The following CDC73 variants were observed in gnomAD, a reference collection of about 807,000 sequenced individuals.
The protein encoded by CDC73 is cell division cycle 73.
CDC73 carries 21 observed loss-of-function variants against 83.7 expected under a neutral mutation model. The ratio of observed to expected loss-of-function variants is 0.25; its 90% confidence interval spans 0.18 to 0.36. The LOEUF (loss-of-function observed/expected upper bound fraction) is 0.36. Ranked by LOEUF, CDC73 falls within the 10% of genes least tolerant of loss-of-function variation. CDC73 has a pLI of 1.00. For synonymous variants in CDC73, 224 were observed against 212.9 expected (o/e 1.05, Z -0.45); for missense variants, 342 against 653.3 (o/e 0.52, Z 5.19).
intron 13 of CDC73, among the ~76,000 whole-genome samples, chr1:193,222,322 A>G (rs1337282333): frequency 6.6e-6 from 1 of 152,174 alleles, no homozygotes; most frequent in Non-Finnish European, 1.5e-5. Flanking sequence ...TATTCAGCAC[A>G]TGTATGTGAG....
chr1:193,128,939 G>A lies in CDC73; in HGVS notation c.238-1235G>A, dbSNP rs535228187. On this transcript the variant is annotated intron_variant, in intron 2 of 16. Transcript: ENST00000367435. ...TTGTTTGTGTTTCAGACTGGGTCTCGCCTCAGTCTCCTGAGTAGCTGGGAT... is the reference window on the plus strand; with the variant it reads ...TTGTTTGTGTTTCAGACTGGGTCTCACCTCAGTCTCCTGAGTAGCTGGGAT... Among the ~76,000 whole-genome samples the A allele has an allele frequency of 5.3e-5, 8 of 150,902 alleles. No homozygotes were observed. The East Asian group carries it at 1.2e-3, about 22-fold the overall frequency.
At chr1:193,199,925 A>G (rs568700362) in intron 10 of CDC73, among the ~76,000 whole-genome samples, 3 of 152,036 alleles carry the variant, frequency 2.0e-5, no homozygotes, top group Non-Finnish European at 2.9e-5. Flanking sequence ...GAGTCTGCAT[A>G]TATGTTCTAT....
In CDC73 at chr1:193,157,301, A is replaced by C. The variant is rs950961660; in HGVS notation, c.972+4857A>C. Among the ~76,000 whole-genome samples the C allele has an allele frequency of 6.6e-5, 10 of 152,322 alleles. No individual in the cohort carries two copies. The South Asian group carries it at 1.4e-3, about 22-fold the overall frequency. On this transcript the variant is annotated intron_variant, in intron 10 of 16. Coordinates refer to ENST00000367435, the MANE Select transcript of CDC73 (RefSeq NM_024529.5). ...AAATGTTAGTGGATTATTACATTAC[A>C]TTGCACTAACGTTTATGAACAGTCA...
chr1:193,174,674 T>C (rs1676573413), intron 10 of CDC73, among the ~76,000 whole-genome samples: 1 of 152,168 alleles, frequency 6.6e-6, no homozygotes, highest in Non-Finnish European at 1.5e-5. Context: ...TCAGATTCTT[T>C]ATACAGTGTT....
intron 9 of CDC73, among the ~76,000 whole-genome samples, chr1:193,151,857 G>A (rs1676118646): frequency 6.6e-6 from 1 of 152,134 alleles, no homozygotes; most frequent in Non-Finnish European, 1.5e-5. Context: ...CTGTGGAGGG[G>A]GGATGGGAGA....
At chr1:193,232,884 T>C (rs1419358822) in intron 13 of CDC73, 109 bp from the exon 14 acceptor site, 2 of 911,036 alleles carry the variant, frequency 2.2e-6, no homozygotes, top group Non-Finnish European at 3.4e-6. Context: ...GCCTGGGCAA[T>C]AAGAAAAAAC....
At position 193,251,041 on chromosome 1, in the gene CDC73, C is replaced by T. The variant is rs961992550; in HGVS notation, c.*329C>T. ...GTATATTTAGAGATTATAAGGCTCTCTGAGCCATCTTCTGATTTTTCATTG... is the reference window on the plus strand; with the variant it reads ...GTATATTTAGAGATTATAAGGCTCTTTGAGCCATCTTCTGATTTTTCATTG... On this transcript the variant is annotated 3_prime_UTR_variant, in exon 17 of 17. Transcript: ENST00000367435. The T allele has an allele frequency of 1.3e-5, 4 of 306,434 alleles. No individual in the cohort carries two copies. The highest frequency in any genetic ancestry group is 8.5e-5 in the African/African-American group (4 of 46,948). 19.0% of individuals were successfully genotyped at this position (306,434 alleles called of 1,614,324 possible).
intron 10 of CDC73, among the ~76,000 whole-genome samples, chr1:193,155,224 A>T (rs1244641983): frequency 1.3e-5 from 2 of 152,236 alleles, no homozygotes; most frequent in Non-Finnish European, 2.9e-5. Context: ...ATAGAAGTAA[A>T]GGCCCCAGGG....
chr1:193,210,122 A>C lies in CDC73; in HGVS notation c.1031-1943A>C, dbSNP rs550453739. 1.2e-3 allele frequency among the ~76,000 whole-genome samples: 182 copies of C among 152,356 alleles called. 1 individual carries two copies. Among genetic ancestry groups the C allele is most frequent in the African/African-American group, 4.2e-3 (175 of 41,578 alleles). On this transcript the variant is annotated intron_variant, in intron 11 of 16. Coordinates refer to ENST00000367435, the MANE Select transcript of CDC73 (RefSeq NM_024529.5). ...TTTTTTCTCAGCAAGAAGAAAGATG[A>C]GAAAACTGTAATAGTAAAGGCATAT...
intron 10 of CDC73, among the ~76,000 whole-genome samples, chr1:193,163,151 TTGTGTGTG>T (rs57194967): frequency 5.0e-5 from 2 of 39,826 alleles, no homozygotes; most frequent in African/African-American, 9.0e-5. Flanking sequence ...CTTTGTGGGG[TTGTGTGTG>T]TGTGTGTGTG....
chr1:193,196,724 G>GTT (rs2103172124), intron 10 of CDC73, among the ~76,000 whole-genome samples: 1 of 152,166 alleles, frequency 6.6e-6, no homozygotes, highest in South Asian at 2.1e-4. Flanking sequence ...AAGTGGAATT[G>GTT]TTTTCTTAAT....
chr1:193,141,556 C>T (rs1675907030), intron 6 of CDC73, among the ~76,000 whole-genome samples: 1 of 152,018 alleles, frequency 6.6e-6, no homozygotes, highest in Non-Finnish European at 1.5e-5. Flanking sequence ...AAGAAAAGCA[C>T]CTATATTAAT....
At chr1:193,128,987 C>T (rs190575473) in intron 2 of CDC73, among the ~76,000 whole-genome samples, 5 of 150,256 alleles carry the variant, frequency 3.3e-5, no homozygotes, top group South Asian at 2.1e-4. Flanking sequence ...CCATCACGCC[C>T]GGCTAATTTT....
intron 3 of CDC73, among the ~76,000 whole-genome samples, chr1:193,134,930 A>C (rs1462529980): frequency 6.6e-6 from 1 of 152,216 alleles, no homozygotes; most frequent in African/African-American, 2.4e-5. Flanking sequence ...AGCCATTCAA[A>C]AATTAAGTAA....
intron 5 of CDC73, chr1:193,136,527 G>A: frequency 3.6e-6 from 1 of 280,830 alleles, no homozygotes; most frequent in South Asian, 3.1e-5. Flanking sequence ...GATATGCATA[G>A]TACTCCCAGA....
intron 15 of CDC73, among the ~76,000 whole-genome samples, chr1:193,239,745 G>T (rs753610400): frequency 2.6e-5 from 4 of 151,888 alleles, no homozygotes; most frequent in Non-Finnish European, 4.4e-5. Context: ...TGTGTTTTGG[G>T]AACATTTCAA....
At chr1:193,139,995 C>T (rs74130922) in intron 6 of CDC73, among the ~76,000 whole-genome samples, 3,260 of 152,190 alleles carry the variant, frequency 0.021, 113 homozygotes, top group African/African-American at 0.074. Flanking sequence ...TGCTGGGGTA[C>T]GTGAGGGGGA....
intron 13 of CDC73, among the ~76,000 whole-genome samples, chr1:193,229,054 T>A (rs1013680161): frequency 1.3e-5 from 2 of 152,214 alleles, no homozygotes; most frequent in African/African-American, 4.8e-5. Context: ...ATTAAAATGA[T>A]GTTGAGATAC....
At chr1:193,224,040 A>C (rs937098822) in intron 13 of CDC73, among the ~76,000 whole-genome samples, 1 of 152,000 alleles carries the variant, frequency 6.6e-6, no homozygotes, top group Non-Finnish European at 1.5e-5. Context: ...TTTGAAATAT[A>C]CTGTAAATTA....
Sources: allele counts gnomAD v4.1 joint callset (sites outside exome capture counted in the v4.1 genomes callset), GRCh38; gene constraint gnomAD v4.1.1; transcripts MANE v1.5; gene names NCBI Gene and HGNC (gene_info 2026-07-23, HGNC 2026-07-21).